Variants in TSPAN11 observed in about 807,000 individuals in gnomAD.
TSPAN11 encodes the protein tetraspanin 11, also known as tetraspanin-11.
TSPAN11 carries 29 observed loss-of-function variants against 32.9 expected under a neutral mutation model. That is an observed-to-expected ratio of 0.88 (90% CI 0.66 to 1.20). The LOEUF (loss-of-function observed/expected upper bound fraction) is 1.20. TSPAN11 is among the 50% of genes most tolerant of loss of function. TSPAN11 has a pLI of 0.00. For missense variants in TSPAN11, 283 were observed against 329.1 expected (o/e 0.86, Z 1.08); for synonymous variants, 140 against 141.3 (o/e 0.99, Z 0.07).
chr12:30,954,405 G>A (rs1659507531), intron 2 of TSPAN11: 8 of 265,886 alleles, frequency 3.0e-5, no homozygotes, highest in Non-Finnish European at 1.4e-5. Flanking sequence ...AGCGCCTTTT[G>A]GAAAATGTGA....
Position 30,963,833 on chromosome 12 carries a change from G to A in TSPAN11, c.92G>A (p.Gly31Glu), listed in dbSNP as rs1368429089. ...FVFNFFFWVG[G>E]AAVLAVGIWT... ...CCCGGTGGTCTCCTGCAGGTCGGGG[G>A]AGCAGCCGTCCTGGCTGTGGGCATC... The change falls in exon 3 of 8, where the codon GGA becomes GAA. Residue 31 changes from glycine to glutamate, a missense_variant. Transcript: ENST00000546076. The A allele has an allele frequency of 6.2e-6, 10 of 1,607,516 alleles. No individual in the cohort carries two copies. The Admixed American group carries it at 1.7e-4, about 27-fold the overall frequency.
intron 1 of TSPAN11, 99 bp from the exon 2 acceptor site, chr12:30,953,882 G>C: frequency 1.3e-6 from 1 of 792,800 alleles, no homozygotes; most frequent in Non-Finnish European, 2.0e-6. Flanking sequence ...ATAGGTTAAT[G>C]AGCCCTTTGA....
chr12:31,009,235 G>T, the TSPAN11 span, among the ~76,000 whole-genome samples: 5 of 152,328 alleles, frequency 3.3e-5, no homozygotes, highest in South Asian at 6.2e-4. Flanking sequence ...TCTCTGCCCT[G>T]TTCTCAATCC....
intron 5 of TSPAN11, among the ~76,000 whole-genome samples, chr12:30,981,374 G>A (rs974167363): frequency 3.9e-5 from 6 of 152,176 alleles, no homozygotes; most frequent in Non-Finnish European, 8.8e-5. Flanking sequence ...TGATGGCGCC[G>A]GGCTCTCTTC....
At chr12:31,009,775 C>T in the TSPAN11 span, among the ~76,000 whole-genome samples, 5 of 152,174 alleles carry the variant, frequency 3.3e-5, no homozygotes, top group Admixed American at 6.5e-5. Context: ...CCAAACATCA[C>T]GGCACCCTGA....
chr12:30,983,227 C>T lies in TSPAN11; in HGVS notation c.702+77C>T, dbSNP rs971160290. 7 of 1,413,356 alleles carry T rather than the reference C, an allele frequency of 5.0e-6. No individual in the cohort carries two copies. The African/African-American group carries it at 5.6e-5, about 11-fold the overall frequency. The allele number at this position is 1,413,356 out of a possible 1,614,324, so 87.6% of individuals were successfully genotyped here. ...CCCATTGACACAGGTCTTCAGTAAC[C>T]ACCTGGGCTGAAATAACTGACCCTT... On this transcript the variant is annotated intron_variant, in intron 7 of 7. Coordinates refer to ENST00000546076, the MANE Select transcript of TSPAN11 (RefSeq NM_001370302.1).
chr12:30,926,947 TG>T (rs1365204273), intron 1 of TSPAN11, 151 bp downstream of exon 1: 2 of 1,280,448 alleles, frequency 1.6e-6, no homozygotes, highest in South Asian at 2.5e-5. Context: ...GGAAGCCGGC[TG>T]GGGATGAGGA....
chr12:30,936,520 T>G (rs1183322676), intron 1 of TSPAN11, among the ~76,000 whole-genome samples: 3 of 152,184 alleles, frequency 2.0e-5, no homozygotes, highest in African/African-American at 7.2e-5. Flanking sequence ...GAGGGCAGCC[T>G]CAGGCAGGGC....
rs1939414548 is a variant in TSPAN11 at position 30,996,212 on chromosome 12, A to G, written c.*4297A>G. ...CTGGGTCCCTTCCTGGAAGGGGACA[A>G]GTTACACACCCCAGCCCCATTTTCC... On this transcript the variant is annotated 3_prime_UTR_variant, in exon 8 of 8. Coordinates refer to ENST00000546076, the MANE Select transcript of TSPAN11 (RefSeq NM_001370302.1). The G allele has an allele frequency of 6.6e-6, 1 of 152,210 alleles. No individual in the cohort carries two copies. Among genetic ancestry groups the G allele is most frequent in the Non-Finnish European group, 1.5e-5 (1 of 68,066 alleles). The allele number at this position is 152,210 out of a possible 1,614,324, so 9.4% of individuals were successfully genotyped here.
At chr12:30,937,784 T>C (rs1236406608) in intron 1 of TSPAN11, among the ~76,000 whole-genome samples, 1 of 152,194 alleles carries the variant, frequency 6.6e-6, no homozygotes, top group African/African-American at 2.4e-5. Flanking sequence ...GAATCTCTAA[T>C]AGGGGAGCAC....
At chr12:30,983,282 CT>C (rs1939133637) in intron 7 of TSPAN11, 132 bp downstream of exon 7, 3 of 818,086 alleles carry the variant, frequency 3.7e-6, no homozygotes, top group Non-Finnish European at 5.7e-6. Flanking sequence ...CTGCTCTCTT[CT>C]TCTCTCCCCT....
intron 3 of TSPAN11, 35 bp downstream of exon 3, chr12:30,964,052 A>C (rs1225979799): frequency 1.3e-6 from 2 of 1,595,482 alleles, no homozygotes; most frequent in African/African-American, 2.7e-5. Context: ...AGGGATGGGG[A>C]GCCCTGCACC....
Position 30,929,374 on chromosome 12 carries a change from C to T in TSPAN11, c.-12+2578C>T, listed in dbSNP as rs764482490. 9.9e-5 allele frequency among the ~76,000 whole-genome samples: 15 copies of T among 152,234 alleles called. No individual in the cohort carries two copies. In the Middle Eastern group the frequency reaches 0.01, roughly 104 times the overall value. ...AATTCATCCTATGGCTATTTTTATG[C>T]TACTGGTTTAATTTCTTGAATTTTG... On this transcript the variant is annotated intron_variant, in intron 1 of 7. Transcript: ENST00000546076.
the TSPAN11 span, among the ~76,000 whole-genome samples, chr12:31,007,123 C>CTAA: frequency 1.9e-4 from 29 of 152,334 alleles, no homozygotes; most frequent in Middle Eastern, 6.8e-3. Flanking sequence ...TCCTAGGCTT[C>CTAA]TGTGTAGACT....
chr12:30,944,812 T>C (rs1938234247), intron 1 of TSPAN11, among the ~76,000 whole-genome samples: 1 of 152,214 alleles, frequency 6.6e-6, no homozygotes. Flanking sequence ...CCAGAAGCCC[T>C]CCCCTGAGTA....
intron 7 of TSPAN11, among the ~76,000 whole-genome samples, chr12:30,987,794 A>G (rs1055807939): frequency 6.6e-6 from 1 of 152,132 alleles, no homozygotes; most frequent in Non-Finnish European, 1.5e-5. Flanking sequence ...GGAGATGGGG[A>G]GCAGATGCAG....
chr12:30,950,407 T>C (rs1476879581), intron 1 of TSPAN11, among the ~76,000 whole-genome samples: 1 of 152,228 alleles, frequency 6.6e-6, no homozygotes, highest in East Asian at 1.9e-4. Context: ...ACGTGAATAA[T>C]ATTTATCAAT....
At chr12:31,004,923 T>C in the TSPAN11 span, among the ~76,000 whole-genome samples, 3 of 152,252 alleles carry the variant, frequency 2.0e-5, no homozygotes, top group Non-Finnish European at 4.4e-5. Flanking sequence ...CACCCTGTGA[T>C]GAGTTGCCTC....
intron 1 of TSPAN11, among the ~76,000 whole-genome samples, chr12:30,949,448 A>G (rs978338840): frequency 6.6e-6 from 1 of 152,156 alleles, no homozygotes; most frequent in Non-Finnish European, 1.5e-5. Context: ...GGCACTTCTT[A>G]CATGGTGGCA....
Sources: allele counts gnomAD v4.1 joint callset (sites outside exome capture counted in the v4.1 genomes callset), GRCh38; gene constraint gnomAD v4.1.1; transcripts MANE v1.5; gene names NCBI Gene and HGNC (gene_info 2026-07-23, HGNC 2026-07-21).